The following WDR64 variants were observed in gnomAD, a reference collection of about 807,000 sequenced individuals.
WDR64 encodes the protein WD repeat domain 64.
A neutral mutation model predicts 139.3 loss-of-function variants in WDR64; 112 were observed. The observed-to-expected ratio is 0.80, with a 90% CI of 0.69 to 0.94. WDR64 has a LOEUF of 0.94. WDR64 is among the 40% of genes least tolerant of loss of function. The pLI, the probability that WDR64 is intolerant of heterozygous loss-of-function variation, is 0.00. For missense variants in WDR64, 1,206 were observed against 1,293.1 expected (o/e 0.93, Z 1.03); for synonymous variants, 444 against 437.7 (o/e 1.01, Z -0.18).
intron 2 of WDR64, among the ~76,000 whole-genome samples, chr1:241,664,666 C>T (rs1055619687): frequency 6.6e-6 from 1 of 152,068 alleles, no homozygotes; most frequent in Non-Finnish European, 1.5e-5. Context: ...CTAGCTAGAA[C>T]ATCATAATCT....
intron 8 of WDR64, among the ~76,000 whole-genome samples, chr1:241,705,502 A>C (rs536917344): frequency 4.9e-4 from 74 of 151,158 alleles, no homozygotes; most frequent in African/African-American, 1.5e-3. Flanking sequence ...AGATCGCGCC[A>C]CTGCACTCCA....
chr1:241,766,810 C>G (rs1658197230), intron 16 of WDR64, among the ~76,000 whole-genome samples: 1 of 151,820 alleles, frequency 6.6e-6, no homozygotes, highest in Non-Finnish European at 1.5e-5. Context: ...GGACTGTGTT[C>G]TAAGTGTCTA....
chr1:241,755,412 GTTGT>G (rs907253133), intron 14 of WDR64, among the ~76,000 whole-genome samples: 1 of 151,978 alleles, frequency 6.6e-6, no homozygotes, highest in African/African-American at 2.4e-5. Context: ...TGTTAATGGG[GTTGT>G]TTTTTTCTTG....
At chr1:241,680,734 G>A (rs960360215) in intron 6 of WDR64, among the ~76,000 whole-genome samples, 2 of 152,080 alleles carry the variant, frequency 1.3e-5, no homozygotes, top group African/African-American at 4.8e-5. Flanking sequence ...GCTAAGCACT[G>A]CTGAAAAAAA....
intron 23 of WDR64, among the ~76,000 whole-genome samples, chr1:241,784,041 A>G (rs1658945204): frequency 6.6e-6 from 1 of 152,214 alleles, no homozygotes; most frequent in African/African-American, 2.4e-5. Context: ...GGGAATTTCA[A>G]TGGAATCAAA....
chr1:241,673,325 T>C (rs1018448696), intron 3 of WDR64, among the ~76,000 whole-genome samples: 2 of 151,850 alleles, frequency 1.3e-5, no homozygotes, highest in African/African-American at 2.4e-5. Context: ...AAACTTAAAG[T>C]ATAGTAATAA....
chr1:241,782,660 C>G (rs1341712740), intron 22 of WDR64, among the ~76,000 whole-genome samples: 2 of 152,176 alleles, frequency 1.3e-5, no homozygotes, highest in Admixed American at 1.3e-4. Flanking sequence ...CCTGAAGAAA[C>G]ATAAACAATG....
intron 13 of WDR64, among the ~76,000 whole-genome samples, chr1:241,745,755 C>T (rs1275761788): frequency 6.6e-6 from 1 of 152,080 alleles, no homozygotes; most frequent in Non-Finnish European, 1.5e-5. Context: ...CAAGCCCTCT[C>T]TGTTAAATTG....
chr1:241,796,154 T>G, intron 26 of WDR64, 103 bp from the exon 27 acceptor site: 1 of 580,206 alleles, frequency 1.7e-6, no homozygotes, highest in Non-Finnish European at 2.9e-6. Flanking sequence ...GGGTGTGTAT[T>G]TTGAAGCAGC....
chr1:241,691,874 A>G (rs1302532937), intron 8 of WDR64, among the ~76,000 whole-genome samples: 1 of 152,218 alleles, frequency 6.6e-6, no homozygotes, highest in Admixed American at 6.5e-5. Context: ...TTAGCCAGGC[A>G]TGATGGTGGG....
intron 24 of WDR64, among the ~76,000 whole-genome samples, chr1:241,790,039 G>A (rs1243190290): frequency 6.6e-6 from 1 of 152,050 alleles, no homozygotes; most frequent in East Asian, 1.9e-4. Flanking sequence ...CACTCCCCAA[G>A]GGCTATTAGT....
intron 13 of WDR64, 139 bp from the exon 14 acceptor site, chr1:241,749,408 C>G: frequency 1.1e-6 from 1 of 923,794 alleles, no homozygotes; most frequent in Non-Finnish European, 1.6e-6. Flanking sequence ...CCTGGGAAGA[C>G]TCACCCATCT....
intron 15 of WDR64, among the ~76,000 whole-genome samples, chr1:241,761,120 T>C (rs1158631966): frequency 6.6e-6 from 1 of 152,156 alleles, no homozygotes; most frequent in Non-Finnish European, 1.5e-5. Flanking sequence ...CAGCAGTGTA[T>C]ATTATAGTCA....
intron 22 of WDR64, among the ~76,000 whole-genome samples, chr1:241,781,959 T>A (rs1347695471): frequency 6.6e-6 from 1 of 152,172 alleles, no homozygotes; most frequent in Non-Finnish European, 1.5e-5. Context: ...GAAAGAAACC[T>A]TGGATGACCA....
At chr1:241,724,350 CCA>C (rs1337768190) in intron 10 of WDR64, among the ~76,000 whole-genome samples, 1 of 152,048 alleles carries the variant, frequency 6.6e-6, no homozygotes, top group Non-Finnish European at 1.5e-5. Context: ...CTTTCCCTGT[CCA>C]ATATTAAAGC....
intron 19 of WDR64, among the ~76,000 whole-genome samples, chr1:241,772,022 G>T (rs1658474550): frequency 7.2e-6 from 1 of 138,164 alleles, no homozygotes; most frequent in Non-Finnish European, 1.5e-5. Flanking sequence ...GGTGCTATGG[G>T]ATTCAGTAGT....
chr1:241,685,561 C>T (rs1416417405), intron 7 of WDR64, among the ~76,000 whole-genome samples: 2 of 151,962 alleles, frequency 1.3e-5, no homozygotes, highest in Admixed American at 1.3e-4. Context: ...AAATTTTGTA[C>T]AATGAACATT....
At chr1:241,794,640 C>A (rs929630180) in intron 25 of WDR64, among the ~76,000 whole-genome samples, 6 of 150,404 alleles carry the variant, frequency 4.0e-5, no homozygotes, top group African/African-American at 1.5e-4. Flanking sequence ...TCCCAAGTAG[C>A]TGGGACTACA....
chr1:241,754,304 T>C (rs938358706), intron 14 of WDR64, among the ~76,000 whole-genome samples: 1 of 145,916 alleles, frequency 6.9e-6, no homozygotes. Flanking sequence ...GGGTTTTTTT[T>C]CCTTTTTTTC....
Sources: allele counts gnomAD v4.1 joint callset (sites outside exome capture counted in the v4.1 genomes callset), GRCh38; gene constraint gnomAD v4.1.1; transcripts MANE v1.5; gene names NCBI Gene and HGNC (gene_info 2026-07-23, HGNC 2026-07-21).